TSNAX: variants seen among roughly 807,000 people sequenced by gnomAD.
TSNAX encodes the protein translin-associated protein X.
In TSNAX, 12 loss-of-function variants were observed where a neutral mutation model predicts 33.0. That is an observed-to-expected ratio of 0.36 (90% CI 0.23 to 0.59). TSNAX has a LOEUF of 0.59. TSNAX is among the 20% of genes least tolerant of loss of function. The pLI is 0.74. For missense variants in TSNAX, 267 were observed against 341.3 expected (o/e 0.78, Z 1.72); for synonymous variants, 110 against 117.2 (o/e 0.94, Z 0.40).
At chr1:231,553,112 A>C (rs1052904128) in intron 4 of TSNAX, among the ~76,000 whole-genome samples, 8 of 152,336 alleles carry the variant, frequency 5.3e-5, no homozygotes, top group African/African-American at 1.9e-4. Context: ...GTATATACCT[A>C]GGAGCGGAAT....
chr1:231,554,684 A>G (rs909404331), intron 4 of TSNAX: 5 of 152,096 alleles, frequency 3.3e-5, no homozygotes, highest in Non-Finnish European at 7.3e-5. Context: ...GAAAGTATAT[A>G]GTGTGTTTGG....
At chr1:231,530,347 G>T (rs1658598270) in intron 2 of TSNAX, among the ~76,000 whole-genome samples, 1 of 152,198 alleles carries the variant, frequency 6.6e-6, no homozygotes, top group Non-Finnish European at 1.5e-5. Context: ...TACTGTGATC[G>T]TCAGAAGTTT....
chr1:231,566,199 G>A lies in TSNAX; in HGVS notation c.*1294G>A, dbSNP rs1661428320. On this transcript the variant is annotated 3_prime_UTR_variant, in exon 6 of 6. Coordinates refer to ENST00000366639, the MANE Select transcript of TSNAX (RefSeq NM_005999.3). Reference sequence around the variant, plus strand: ...TCCAGACCTTTAGTTGTCCCATGGTGTTAATAAAGTTGCCAAAGAAGATGT... The same window carrying A: ...TCCAGACCTTTAGTTGTCCCATGGTATTAATAAAGTTGCCAAAGAAGATGT... 6.6e-6 allele frequency: 1 copy of A among 152,530 alleles called. No individual in the cohort carries two copies. Among genetic ancestry groups the A allele is most frequent in the African/African-American group, 2.4e-5 (1 of 41,420 alleles). The allele number at this position is 152,530 out of a possible 1,614,324, so 9.4% of individuals were successfully genotyped here.
At chr1:231,548,410 A>G (rs1003080803) in intron 4 of TSNAX, among the ~76,000 whole-genome samples, 1 of 152,168 alleles carries the variant, frequency 6.6e-6, no homozygotes, top group African/African-American at 2.4e-5. Context: ...CCTCCCTTCA[A>G]GTCTCTGCTT....
intron 5 of TSNAX, among the ~76,000 whole-genome samples, chr1:231,563,882 G>A (rs770296023): frequency 1.6e-4 from 25 of 152,126 alleles, no homozygotes; most frequent in Admixed American, 3.3e-4. Context: ...AGAGTAATTT[G>A]TAGCGGTACA....
intron 4 of TSNAX, among the ~76,000 whole-genome samples, chr1:231,559,229 CAAT>C (rs1192392509): frequency 1.3e-5 from 2 of 151,948 alleles, no homozygotes; most frequent in African/African-American, 2.4e-5. Context: ...CTTAAACTAA[CAAT>C]AATAATTAAG....
chr1:231,529,165 G>C (rs1005063304), intron 1 of TSNAX, 90 bp from the exon 2 acceptor site: 3 of 1,353,280 alleles, frequency 2.2e-6, no homozygotes, highest in African/African-American at 2.9e-5. Flanking sequence ...TGGGTATCTG[G>C]TTTTAAAGCA....
chr1:231,556,207 G>T (rs996543073), intron 4 of TSNAX, among the ~76,000 whole-genome samples: 3 of 152,170 alleles, frequency 2.0e-5, no homozygotes, highest in Non-Finnish European at 4.4e-5. Flanking sequence ...TGGTTTTAGT[G>T]AATTTATTTT....
At chr1:231,533,435 A>G (rs1217408908) in intron 2 of TSNAX, among the ~76,000 whole-genome samples, 3 of 152,210 alleles carry the variant, frequency 2.0e-5, no homozygotes, top group East Asian at 1.9e-4. Context: ...TAGCTTCCAG[A>G]CAAAATTTCA....
Position 231,537,330 on chromosome 1 carries a change from G to T in TSNAX, c.236+3G>T, listed in dbSNP as rs751161290. The T allele has an allele frequency of 6.4e-7, 1 of 1,569,902 alleles. No homozygotes were observed. Among genetic ancestry groups the T allele is most frequent in the Non-Finnish European group, 8.7e-7 (1 of 1,143,964 alleles). On this transcript the variant is annotated splice_donor_region_variant and intron_variant, in intron 3 of 5. Coordinates refer to ENST00000366639, the MANE Select transcript of TSNAX (RefSeq NM_005999.3). The stretch of plus-strand genomic sequence containing the variant: ...TTTCTCCTCCATAGGATTACAAGGT[G>T]AGTAAGCATCTTTAGAATTTATTAC...
Position 231,537,106 on chromosome 1 carries a change from C to T in TSNAX, c.122-107C>T, listed in dbSNP as rs1250858171. On this transcript the variant is annotated intron_variant, in intron 2 of 5. Coordinates refer to ENST00000366639, the MANE Select transcript of TSNAX (RefSeq NM_005999.3). ...GTGGCCTCCCAAAGTGCTGAGATTA[C>T]AGGCGTGAGCCACCGCACCCAGCAT... 10 of 704,456 alleles carry T rather than the reference C, an allele frequency of 1.4e-5. No homozygotes were observed. In the African/African-American group the frequency reaches 1.5e-4, roughly 11 times the overall value. The allele number at this position is 704,456 out of a possible 1,614,324, so 43.6% of individuals were successfully genotyped here.
At chr1:231,545,989 A>C (rs956237410) in intron 4 of TSNAX, among the ~76,000 whole-genome samples, 1 of 152,230 alleles carries the variant, frequency 6.6e-6, no homozygotes, top group Non-Finnish European at 1.5e-5. Context: ...AACTCCTAGC[A>C]AAGGCTTTAT....
At chr1:231,535,220 C>T (rs1659084142) in intron 2 of TSNAX, 1 of 152,166 alleles carries the variant, frequency 6.6e-6, no homozygotes, top group South Asian at 2.1e-4. Flanking sequence ...TTTATGTAGA[C>T]TCCCAGTTGT....
chr1:231,528,909 C>T (rs1658448494), intron 1 of TSNAX, 83 bp downstream of exon 1: 7 of 1,568,526 alleles, frequency 4.5e-6, no homozygotes, highest in Admixed American at 1.7e-5. Flanking sequence ...CCCTTTTCAC[C>T]CTTGAAGGAT....
In TSNAX at chr1:231,565,474, C is replaced by T. The variant is rs985801793; in HGVS notation, c.*569C>T. 2.0e-5 allele frequency: 3 copies of T among 152,530 alleles called. No homozygotes were observed. Among genetic ancestry groups the T allele is most frequent in the Non-Finnish European group, 4.4e-5 (3 of 68,368 alleles). 9.4% of individuals were successfully genotyped at this position (152,530 alleles called of 1,614,324 possible). ...GGCGTGGTGGCTCACGCCTGTAATCCCAGCACTTTGGGAGGCCGAGGTAGG... is the reference window on the plus strand; with the variant it reads ...GGCGTGGTGGCTCACGCCTGTAATCTCAGCACTTTGGGAGGCCGAGGTAGG... On this transcript the variant is annotated 3_prime_UTR_variant, in exon 6 of 6. Coordinates refer to ENST00000366639, the MANE Select transcript of TSNAX (RefSeq NM_005999.3).
rs1052722562 is a variant in TSNAX at position 231,528,939 on chromosome 1, T to G, written c.16+113T>G. On this transcript the variant is annotated intron_variant, in intron 1 of 5. Coordinates refer to ENST00000366639, the MANE Select transcript of TSNAX (RefSeq NM_005999.3). ...AAGGATGCCTTCGTCCCTTGTAGAC[T>G]CGGGGGCGGCCCCTCTGTTTCTCTC... 2.8e-6 allele frequency: 4 copies of G among 1,405,076 alleles called. No homozygotes were observed. In the African/African-American group the frequency reaches 4.3e-5, roughly 15 times the overall value. 87.0% of individuals were successfully genotyped at this position (1,405,076 alleles called of 1,614,324 possible). A position where few individuals can be genotyped will look rare whatever the true frequency, so the allele number is the denominator to read the frequency against.
chr1:231,529,411 G>C (rs767921460), intron 2 of TSNAX, 52 bp downstream of exon 2: 1 of 1,572,698 alleles, frequency 6.4e-7, no homozygotes, highest in South Asian at 1.1e-5. Context: ...AAATTATTTA[G>C]CCATGGTTAT....
chr1:231,556,551 T>C (rs1660707781), intron 4 of TSNAX, among the ~76,000 whole-genome samples: 2 of 152,210 alleles, frequency 1.3e-5, no homozygotes, highest in Non-Finnish European at 2.9e-5. Context: ...CAGTGTTACA[T>C]TGGGCGAGAT....
chr1:231,534,301 C>G (rs1253341581), intron 2 of TSNAX: 1 of 152,102 alleles, frequency 6.6e-6, no homozygotes. Flanking sequence ...AAACGTAATG[C>G]AGAGTCATTA....
Sources: gnomAD v4.1 joint callset for allele counts (sites outside exome capture counted in the v4.1 genomes callset) on GRCh38, gnomAD v4.1.1 for gene constraint, MANE v1.5 for transcripts, NCBI Gene and HGNC (gene_info 2026-07-23, HGNC 2026-07-21) for gene names.